CACNA2D3: variants seen among roughly 807,000 people sequenced by gnomAD.
CACNA2D3 encodes the protein voltage-dependent calcium channel subunit alpha-2/delta-3.
CACNA2D3 carries 60 observed loss-of-function variants against 160.6 expected under a neutral mutation model. The observed-to-expected ratio is 0.37, with a 90% CI of 0.30 to 0.46. CACNA2D3 has a LOEUF of 0.46. Ranked by LOEUF, CACNA2D3 falls within the 20% of genes least tolerant of loss-of-function variation. The pLI, the probability that CACNA2D3 is intolerant of heterozygous loss-of-function variation, is 1.00. For missense variants in CACNA2D3, 1,205 were observed against 1,365.0 expected, an observed-to-expected ratio of 0.88 and a Z score of 1.85; for synonymous variants, 558 against 492.9, an observed-to-expected ratio of 1.13 and a Z score of -1.75.
intron 13 of CACNA2D3, among the ~76,000 whole-genome samples, chr3:54,775,797 A>G (rs1702414645): frequency 6.6e-6 from 1 of 152,188 alleles, no homozygotes; most frequent in South Asian, 2.1e-4. Context: ...GCTGTAGGCA[A>G]GAGAACCCAC....
intron 4 of CACNA2D3, among the ~76,000 whole-genome samples, chr3:54,456,011 C>T (rs1426195112): frequency 6.6e-6 from 1 of 152,002 alleles, no homozygotes; most frequent in African/African-American, 2.4e-5. Flanking sequence ...TCTTTTTGCT[C>T]AGGATTGCTT....
intron 4 of CACNA2D3, among the ~76,000 whole-genome samples, chr3:54,457,440 T>C (rs1464353030): frequency 6.6e-6 from 1 of 152,108 alleles, no homozygotes; most frequent in Non-Finnish European, 1.5e-5. Flanking sequence ...TATTTTGATT[T>C]TTAAAAACTT....
At chr3:54,808,139 G>C (rs1703183747) in intron 13 of CACNA2D3, among the ~76,000 whole-genome samples, 1 of 151,502 alleles carries the variant, frequency 6.6e-6, no homozygotes, top group African/African-American at 2.4e-5. Flanking sequence ...ACATCAGCAT[G>C]GCACATGTAT....
chr3:54,169,755 GTGTT>G (rs1451018212), intron 2 of CACNA2D3, among the ~76,000 whole-genome samples: 1 of 152,134 alleles, frequency 6.6e-6, no homozygotes, highest in South Asian at 2.1e-4. Flanking sequence ...GCATGTGTGT[GTGTT>G]TGTGTGTGTG....
At chr3:54,910,526 T>C (rs1222272418) in intron 27 of CACNA2D3, among the ~76,000 whole-genome samples, 1 of 152,170 alleles carries the variant, frequency 6.6e-6, no homozygotes, top group African/African-American at 2.4e-5. Context: ...TTCCCTTTAC[T>C]TGGTTCTTAG....
chr3:54,517,642 G>A (rs1327424832), intron 5 of CACNA2D3, among the ~76,000 whole-genome samples: 2 of 152,216 alleles, frequency 1.3e-5, no homozygotes, highest in Non-Finnish European at 1.5e-5. Context: ...AGTGACGTCA[G>A]CAGTAGGTAA....
chr3:54,989,607 A>G (rs1475910321), intron 31 of CACNA2D3, among the ~76,000 whole-genome samples: 1 of 152,136 alleles, frequency 6.6e-6, no homozygotes, highest in Non-Finnish European at 1.5e-5. Flanking sequence ...CTCTCCAAAC[A>G]CTGGTTTCTC....
chr3:54,490,514 G>A (rs558817872), intron 4 of CACNA2D3, among the ~76,000 whole-genome samples: 1 of 152,178 alleles, frequency 6.6e-6, no homozygotes, highest in Admixed American at 6.5e-5. Flanking sequence ...CTTCCTAGCT[G>A]GAGGTAAAAC....
chr3:54,262,395 C>T (rs574400616), intron 2 of CACNA2D3, among the ~76,000 whole-genome samples: 17 of 152,270 alleles, frequency 1.1e-4, no homozygotes, highest in South Asian at 4.1e-4. Flanking sequence ...TTTCCTCCCA[C>T]GATGGACCCA....
At chr3:54,401,104 C>G (rs1699454071) in intron 4 of CACNA2D3, among the ~76,000 whole-genome samples, 3 of 151,556 alleles carry the variant, frequency 2.0e-5, no homozygotes, top group South Asian at 4.2e-4. Flanking sequence ...GAAATAAAAA[C>G]TATAATAGAA....
chr3:54,690,146 T>G (rs72872210), intron 11 of CACNA2D3, among the ~76,000 whole-genome samples: 2,483 of 152,180 alleles, frequency 0.016, 71 homozygotes, highest in African/African-American at 0.057. Flanking sequence ...CTGTAACATC[T>G]ACCATGATGA....
At chr3:54,149,429 C>A (rs1005161783) in intron 2 of CACNA2D3, among the ~76,000 whole-genome samples, 4 of 152,118 alleles carry the variant, frequency 2.6e-5, no homozygotes, top group Admixed American at 2.0e-4. Context: ...GGAAAGGGGC[C>A]CACACAAGTC....
intron 14 of CACNA2D3, among the ~76,000 whole-genome samples, chr3:54,823,829 A>G (rs1703692317): frequency 6.6e-6 from 1 of 152,252 alleles, no homozygotes; most frequent in Non-Finnish European, 1.5e-5. Context: ...TCCTAGTGGT[A>G]GGAGAACAAA....
chr3:54,408,922 T>C (rs1341272039), intron 4 of CACNA2D3, among the ~76,000 whole-genome samples: 1 of 152,200 alleles, frequency 6.6e-6, no homozygotes, highest in Non-Finnish European at 1.5e-5. Flanking sequence ...TCCAGGAAAT[T>C]AGATAGGCAT....
intron 5 of CACNA2D3, among the ~76,000 whole-genome samples, chr3:54,561,735 G>T (rs1702328305): frequency 6.6e-6 from 1 of 152,200 alleles, no homozygotes; most frequent in Admixed American, 6.5e-5. Context: ...AAGAGCAAAT[G>T]ATTGCCTGGT....
chr3:54,852,826 C>T (rs886637466), intron 17 of CACNA2D3, among the ~76,000 whole-genome samples: 2 of 152,166 alleles, frequency 1.3e-5, no homozygotes, highest in Non-Finnish European at 2.9e-5. Flanking sequence ...CAGTGCACAT[C>T]AAACATCAGT....
intron 16 of CACNA2D3, among the ~76,000 whole-genome samples, chr3:54,840,107 T>C (rs1203761996): frequency 1.3e-5 from 2 of 152,066 alleles, no homozygotes; most frequent in Non-Finnish European, 2.9e-5. Context: ...TTCCAAACAA[T>C]TCTTGAGCCT....
intron 2 of CACNA2D3, among the ~76,000 whole-genome samples, chr3:54,293,618 T>G (rs1703262358): frequency 6.6e-6 from 1 of 151,846 alleles, no homozygotes; most frequent in South Asian, 2.1e-4. Flanking sequence ...TATTCAGTAA[T>G]AAAAAGGAAC....
intron 5 of CACNA2D3, among the ~76,000 whole-genome samples, chr3:54,527,987 C>T (rs1270720944): frequency 6.6e-6 from 1 of 152,126 alleles, no homozygotes; most frequent in Non-Finnish European, 1.5e-5. Flanking sequence ...TAATAACTTT[C>T]ACCAGTTTCA....
Sources: allele counts gnomAD v4.1 joint callset (sites outside exome capture counted in the v4.1 genomes callset), GRCh38; gene constraint gnomAD v4.1.1; transcripts MANE v1.5; gene names NCBI Gene and HGNC (gene_info 2026-07-23, HGNC 2026-07-21).